Variants in ROBO2 observed in about 807,000 individuals in gnomAD.
The protein encoded by ROBO2 is roundabout guidance receptor 2, also known as roundabout homolog 2.
ROBO2 carries 53 observed loss-of-function variants against 160.8 expected under a neutral mutation model. The ratio of observed to expected loss-of-function variants is 0.33; its 90% confidence interval spans 0.26 to 0.41. The LOEUF (loss-of-function observed/expected upper bound fraction) is 0.41. ROBO2 is among the 10% of genes least tolerant of loss of function. ROBO2 has a pLI of 1.00. For missense variants in ROBO2, 1,577 were observed against 1,722.4 expected (o/e 0.92, Z 1.49); for synonymous variants, 664 against 611.7 (o/e 1.09, Z -1.26).
chr3:75,954,969 G>A (rs1183936596), intron 2 of ROBO2, among the ~76,000 whole-genome samples: 1 of 151,832 alleles, frequency 6.6e-6, no homozygotes, highest in African/African-American at 2.4e-5. Flanking sequence ...CAATTAGAAT[G>A]TCAAAAAATT....
chr3:76,606,048 A>G (rs1229274167), intron 2 of ROBO2, among the ~76,000 whole-genome samples: 2 of 152,140 alleles, frequency 1.3e-5, no homozygotes, highest in Non-Finnish European at 2.9e-5. Flanking sequence ...TATTGTATAC[A>G]TGCTCTATAA....
chr3:77,607,314 C>T (rs1249469776), intron 20 of ROBO2, among the ~76,000 whole-genome samples: 3 of 152,132 alleles, frequency 2.0e-5, no homozygotes, highest in Non-Finnish European at 2.9e-5. Flanking sequence ...TGATTTTTAT[C>T]AGTTACTTTT....
chr3:76,079,049 C>T (rs937194005), intron 2 of ROBO2, among the ~76,000 whole-genome samples: 1 of 152,050 alleles, frequency 6.6e-6, no homozygotes, highest in African/African-American at 2.4e-5. Context: ...ATGAGCTAGG[C>T]ACAGAATGAC....
intron 2 of ROBO2, among the ~76,000 whole-genome samples, chr3:76,225,278 A>G (rs1704213811): frequency 6.6e-6 from 1 of 152,220 alleles, no homozygotes. Context: ...TAAAGCAAAG[A>G]TAAATTTACA....
At chr3:77,257,139 T>C (rs992020890) in intron 2 of ROBO2, among the ~76,000 whole-genome samples, 1 of 152,194 alleles carries the variant, frequency 6.6e-6, no homozygotes, top group Non-Finnish European at 1.5e-5. Context: ...TAATTTACAC[T>C]TGATAATCTG....
intron 2 of ROBO2, among the ~76,000 whole-genome samples, chr3:77,153,177 T>C (rs980417966): frequency 6.6e-6 from 1 of 152,182 alleles, no homozygotes; most frequent in African/African-American, 2.4e-5. Context: ...GTGTTAAATC[T>C]CCTTTAAACG....
At chr3:76,733,060 T>C (rs2093660435) in intron 2 of ROBO2, among the ~76,000 whole-genome samples, 1 of 152,072 alleles carries the variant, frequency 6.6e-6, no homozygotes, top group Non-Finnish European at 1.5e-5. Context: ...AATTATAATT[T>C]ATGAAGAAAT....
chr3:77,284,667 A>T (rs2060463870), intron 2 of ROBO2, among the ~76,000 whole-genome samples: 1 of 152,140 alleles, frequency 6.6e-6, no homozygotes, highest in African/African-American at 2.4e-5. Context: ...GGGTATGATG[A>T]CAATTTGCCT....
chr3:76,270,177 G>A (rs1295503264), intron 2 of ROBO2, among the ~76,000 whole-genome samples: 1 of 152,030 alleles, frequency 6.6e-6, no homozygotes, highest in Non-Finnish European at 1.5e-5. Flanking sequence ...CACTGAAGTA[G>A]TGGTTCAAGG....
intron 2 of ROBO2, among the ~76,000 whole-genome samples, chr3:76,051,055 A>G (rs2107815003): frequency 6.6e-6 from 1 of 152,240 alleles, no homozygotes; most frequent in East Asian, 1.9e-4. Context: ...TATCATGTGT[A>G]TAATTATTTT....
intron 2 of ROBO2, among the ~76,000 whole-genome samples, chr3:76,579,678 A>G (rs2085526520): frequency 6.6e-6 from 1 of 151,894 alleles, no homozygotes; most frequent in Admixed American, 6.6e-5. Flanking sequence ...ACCTATTAAG[A>G]CCAGATGGAG....
At chr3:76,819,528 A>T (rs1472728855) in intron 2 of ROBO2, among the ~76,000 whole-genome samples, 1 of 151,982 alleles carries the variant, frequency 6.6e-6, no homozygotes, top group East Asian at 1.9e-4. Context: ...ACACTGAAAC[A>T]TCTCTAAAAA....
chr3:76,555,425 G>GGAAGAAGAAGAAGAAGAAGAA, intron 2 of ROBO2, among the ~76,000 whole-genome samples: 1 of 68,542 alleles, frequency 1.5e-5, no homozygotes, highest in South Asian at 7.5e-4. Context: ...AAGAAAGAAG[G>GGAAGAAGAAGAAGAAGAAGAA]AGAAGGGGAA....
intron 2 of ROBO2, among the ~76,000 whole-genome samples, chr3:76,917,894 A>T (rs2076422929): frequency 6.6e-6 from 1 of 152,224 alleles, no homozygotes; most frequent in Non-Finnish European, 1.5e-5. Context: ...GATCAGATGA[A>T]GTAAATACAA....
rs575773343 is a variant in ROBO2, at chr3:75,987,950, G to A, written c.109+50348G>A. ...CTAGTATTTTGTGGAGGATTTTTGCGTTGATATTCATAACAGATATTGGTC... is the reference window on the plus strand; with the variant it reads ...CTAGTATTTTGTGGAGGATTTTTGCATTGATATTCATAACAGATATTGGTC... On this transcript the variant is annotated intron_variant, in intron 2 of 26. Coordinates refer to the ROBO2 transcript ENST00000487694. Among the ~76,000 whole-genome samples the A allele has an allele frequency of 9.2e-5, 14 of 151,684 alleles. No homozygotes were observed. The East Asian group carries it at 9.8e-4, about 11-fold the overall frequency.
At chr3:75,930,797 G>A (rs372042216) in intron 1 of ROBO2, among the ~76,000 whole-genome samples, 10 of 151,960 alleles carry the variant, frequency 6.6e-5, no homozygotes, top group African/African-American at 2.4e-4. Flanking sequence ...AAATATTTTG[G>A]TTCCAAATAT....
At chr3:76,519,944 C>T (rs1333636928) in intron 2 of ROBO2, among the ~76,000 whole-genome samples, 1 of 151,990 alleles carries the variant, frequency 6.6e-6, no homozygotes, top group African/African-American at 2.4e-5. Context: ...GCAGGTCAGC[C>T]GAAAAGCCTA....
intron 2 of ROBO2, among the ~76,000 whole-genome samples, chr3:76,272,977 A>G (rs1252955929): frequency 1.0e-4 from 9 of 87,308 alleles, no homozygotes; most frequent in African/African-American, 4.2e-4. Context: ...TATAAAATAT[A>G]TATAATATAT....
chr3:76,203,961 T>G (rs979544), intron 2 of ROBO2, among the ~76,000 whole-genome samples: 152,337 of 152,338 alleles, frequency 1, 76,168 homozygotes, highest in Middle Eastern at 1. Context: ...AGGCATTGCA[T>G]TTTCCTCACA....
Sources: gnomAD v4.1 joint callset for allele counts (sites outside exome capture counted in the v4.1 genomes callset) on GRCh38, gnomAD v4.1.1 for gene constraint, MANE v1.5 for transcripts, NCBI Gene and HGNC (gene_info 2026-07-23, HGNC 2026-07-21) for gene names.